The following NSMCE1 variants were observed in gnomAD, a reference collection of about 807,000 sequenced individuals.
NSMCE1 encodes NSE1 component of SMC5/6 complex.
Under a neutral mutation model 29.6 loss-of-function variants are expected in NSMCE1, and 18 were observed. The ratio of observed to expected loss-of-function variants is 0.61; its 90% CI spans 0.42 to 0.90. The LOEUF (loss-of-function observed/expected upper bound fraction) is 0.90, where lower values mean the gene tolerates loss of function less well. NSMCE1 is among the 40% of genes least tolerant of loss of function. The pLI is 0.00. For synonymous variants in NSMCE1, 124 were observed against 133.4 expected, an observed-to-expected ratio of 0.93 and a Z score of 0.49; for missense variants, 314 against 343.6, an observed-to-expected ratio of 0.91 and a Z score of 0.68.
In NSMCE1 at chr16:27,233,618, G is replaced by A. The variant is rs544932631; in HGVS notation, c.337-471C>T. ...GATTCAACAGATCGTGAGTGGGGCT[G>A]AAATGTCTGAATTATTTTTCACCTC... On this transcript the variant is annotated intron_variant, in intron 4 of 7. Transcript: ENST00000361439. Among the ~76,000 whole-genome samples the A allele has an allele frequency of 2.6e-5, 4 of 152,366 alleles. No homozygotes were observed. In the South Asian group the frequency reaches 8.3e-4, roughly 32 times the overall value.
At chr16:27,252,506 G>A (rs1293883336) in intron 2 of NSMCE1, among the ~76,000 whole-genome samples, 1 of 152,194 alleles carries the variant, frequency 6.6e-6, no homozygotes, top group African/African-American at 2.4e-5. Context: ...AAACTGGGCT[G>A]GGTGCAGTGG....
intron 6 of NSMCE1, 165 bp from the exon 7 acceptor site, chr16:27,226,011 T>G: frequency 2.8e-6 from 2 of 725,874 alleles, no homozygotes; most frequent in East Asian, 5.7e-5. Flanking sequence ...CAGTGGAGTC[T>G]TTTGTTTGCT....
At chr16:27,262,500 T>A (rs2084170091) in intron 1 of NSMCE1, among the ~76,000 whole-genome samples, 1 of 152,084 alleles carries the variant, frequency 6.6e-6, no homozygotes. Flanking sequence ...GGAAAAAGAC[T>A]CCCTATTCAA....
At chr16:27,240,657 G>A (rs2083883951) in intron 2 of NSMCE1, among the ~76,000 whole-genome samples, 1 of 152,212 alleles carries the variant, frequency 6.6e-6, no homozygotes, top group African/African-American at 2.4e-5. Flanking sequence ...GGGCCTCCAG[G>A]CAAGTGACAA....
In NSMCE1 at chr16:27,225,751, G is replaced by A. The variant is rs538638263; in HGVS notation, c.696C>T (p.Asn232=). The A allele has an allele frequency of 1.1e-5, 17 of 1,614,198 alleles. No homozygotes were observed. In the East Asian group the frequency reaches 1.3e-4, roughly 13 times the overall value. Residue 232 remains asparagine, a synonymous_variant, in exon 7 of 8, where the codon AAC becomes AAT. Coordinates refer to ENST00000361439, the MANE Select transcript of NSMCE1 (RefSeq NM_145080.4). ...SNAEPRCPHC[N]DYWPHEIPKV... is the part of the protein sequence containing the mutation. ...TTGGGATCTCGTGGGGCCAGTAGTC[G>A]TTGCAGTGGGGGCAGCGCGGTTCAG...
intron 2 of NSMCE1, among the ~76,000 whole-genome samples, chr16:27,254,062 T>C (rs1258077404): frequency 2.0e-5 from 3 of 152,222 alleles, no homozygotes; most frequent in African/African-American, 4.8e-5. Context: ...CTCCTTTGTT[T>C]CATAATTTTC....
intron 2 of NSMCE1, among the ~76,000 whole-genome samples, chr16:27,251,182 AT>A (rs1447080228): frequency 0.095 from 6,163 of 64,834 alleles, 537 homozygotes; most frequent in African/African-American, 0.35. Context: ...ATATATATAT[AT>A]ATATATAAAT....
rs55762579 is a variant in NSMCE1 at position 27,260,858 on chromosome 16, C to CAAAAAAA, written c.-11-3284_-11-3278dup. Among the ~76,000 whole-genome samples the CAAAAAAA allele has an allele frequency of 2.4e-4, 21 of 87,974 alleles. 3 individuals carry two copies. The highest frequency in any genetic ancestry group is 7.3e-4 in the East Asian group (2 of 2,736). The allele number at this position is 87,974 out of a possible 152,430, so 57.7% of individuals were successfully genotyped here. On this transcript the variant is annotated intron_variant, in intron 1 of 7. Transcript: ENST00000361439. ...TGGGCAACAGAGTGAGACCCTGTCTCAAAAAAAAAAAAAAAAAGGTTGCGG... is the reference window on the plus strand; with the variant it reads ...TGGGCAACAGAGTGAGACCCTGTCTCAAAAAAAAAAAAAAAAAAAAAAAAGGTTGCGG...
chr16:27,259,863 G>A (rs2084135601), intron 1 of NSMCE1, among the ~76,000 whole-genome samples: 1 of 152,194 alleles, frequency 6.6e-6, no homozygotes, highest in Non-Finnish European at 1.5e-5. Context: ...ATGGAAGCCG[G>A]TCACAGTGGA....
At chr16:27,237,953 C>A (rs561549230) in intron 2 of NSMCE1, among the ~76,000 whole-genome samples, 56 of 152,322 alleles carry the variant, frequency 3.7e-4, no homozygotes, top group African/African-American at 1.3e-3. Flanking sequence ...CTATCGCCCT[C>A]TTTCCTTCCA....
chr16:27,233,298 T>C (rs920268965), intron 4 of NSMCE1, 151 bp from the exon 5 acceptor site: 1 of 658,150 alleles, frequency 1.5e-6, no homozygotes, highest in Non-Finnish European at 2.6e-6. Context: ...AACAATTTAA[T>C]GTGCATCAAG....
At chr16:27,236,198 A>C (rs2083822686) in intron 2 of NSMCE1, among the ~76,000 whole-genome samples, 1 of 152,032 alleles carries the variant, frequency 6.6e-6, no homozygotes, top group Admixed American at 6.5e-5. Context: ...GGCCGGGGAC[A>C]GCAGGGCCTT....
At chr16:27,259,368 G>C (rs998792073) in intron 1 of NSMCE1, among the ~76,000 whole-genome samples, 1 of 151,974 alleles carries the variant, frequency 6.6e-6, no homozygotes, top group Admixed American at 6.6e-5. Flanking sequence ...CCTATCACTA[G>C]GGCCATTCCA....
At chr16:27,234,460 T>C (rs190025201) in intron 3 of NSMCE1, among the ~76,000 whole-genome samples, 195 bp from the exon 4 acceptor site, 105 of 152,356 alleles carry the variant, frequency 6.9e-4, no homozygotes, top group African/African-American at 2.5e-3. Context: ...GCCAACATGC[T>C]GGGCCCTCAG....
At chr16:27,250,949 C>A (rs1392699770) in intron 2 of NSMCE1, among the ~76,000 whole-genome samples, 1 of 140,838 alleles carries the variant, frequency 7.1e-6, no homozygotes, top group African/African-American at 2.6e-5. Context: ...TCAAGCAATT[C>A]TCCTGCCTCG....
At chr16:27,268,036 A>G (rs1238829320) in intron 1 of NSMCE1, 1 of 152,156 alleles carries the variant, frequency 6.6e-6, no homozygotes, top group Non-Finnish European at 1.5e-5. Flanking sequence ...GGCCACCGCG[A>G]CCAGGTCAAT....
Position 27,232,928 on chromosome 16 carries a change from A to C in NSMCE1, c.483+73T>G. ...GCTCCTCAGACATCAGTTGGCTACA[A>C]GTACGATTTTGGAGAAAAAACTGTT... On this transcript the variant is annotated intron_variant, in intron 5 of 7. Coordinates refer to ENST00000361439, the MANE Select transcript of NSMCE1 (RefSeq NM_145080.4). The surrounding 1 kb of genome is among the most constrained non-coding windows in gnomAD (Gnocchi z 4.5). The C allele has an allele frequency of 6.6e-7, 1 of 1,522,248 alleles. No individual in the cohort carries two copies. Among genetic ancestry groups the C allele is most frequent in the South Asian group, 1.2e-5 (1 of 84,364 alleles). The allele number at this position is 1,522,248 out of a possible 1,614,324, so 94.3% of individuals were successfully genotyped here.
At chr16:27,252,897 C>A (rs144246772) in intron 2 of NSMCE1, among the ~76,000 whole-genome samples, 1 of 151,982 alleles carries the variant, frequency 6.6e-6, no homozygotes, top group African/African-American at 2.4e-5. Flanking sequence ...CCAGCCTGGG[C>A]GACAAGAGCA....
intron 1 of NSMCE1, among the ~76,000 whole-genome samples, chr16:27,264,465 C>G (rs2084196967): frequency 1.3e-5 from 2 of 152,044 alleles, no homozygotes; most frequent in Non-Finnish European, 2.9e-5. Flanking sequence ...TAAGACCAAT[C>G]AATGGAACAG....
Sources: allele counts gnomAD v4.1 joint callset (sites outside exome capture counted in the v4.1 genomes callset), GRCh38; gene constraint gnomAD v4.1.1; non-coding constraint Gnocchi (gnomAD v3.1); transcripts MANE v1.5; gene names NCBI Gene and HGNC (gene_info 2026-07-23, HGNC 2026-07-21).